The following ROR1 variants were observed in gnomAD, a reference collection of about 807,000 sequenced individuals.
ROR1 encodes the protein ROR family WNT receptor 1.
Under a neutral mutation model 78.8 loss-of-function variants are expected in ROR1, and 19 were observed. The ratio of observed to expected loss-of-function variants is 0.24; its 90% CI spans 0.17 to 0.35. ROR1 has a LOEUF of 0.35. ROR1 is among the 10% of genes least tolerant of loss of function. The probability of loss-of-function intolerance (pLI) is 1.00; values close to 1 mark genes in which losing one functional copy is unlikely to be tolerated. For synonymous variants in ROR1, 386 were observed against 433.6 expected, an observed-to-expected ratio of 0.89 and a Z score of 1.36; for missense variants, 917 against 1,177.8, an observed-to-expected ratio of 0.78 and a Z score of 3.24.
At chr1:64,041,713 T>C (rs1054405931) in intron 2 of ROR1, among the ~76,000 whole-genome samples, 2 of 152,208 alleles carry the variant, frequency 1.3e-5, no homozygotes, top group African/African-American at 4.8e-5. Context: ...CTCTTACTAC[T>C]CTGTAGTCAA....
chr1:63,916,111 C>G (rs1003433170), intron 1 of ROR1, among the ~76,000 whole-genome samples: 32 of 152,226 alleles, frequency 2.1e-4, no homozygotes, highest in Admixed American at 1.2e-3. Flanking sequence ...ACAAACATTT[C>G]TACCCTATTT....
At chr1:64,164,410 A>T (rs1038833510) in intron 8 of ROR1, among the ~76,000 whole-genome samples, 1 of 152,216 alleles carries the variant, frequency 6.6e-6, no homozygotes, top group African/African-American at 2.4e-5. Flanking sequence ...TCTGCTGTCA[A>T]CTGGCCACAA....
At chr1:64,127,831 A>G (rs1481170667) in intron 4 of ROR1, among the ~76,000 whole-genome samples, 1 of 152,182 alleles carries the variant, frequency 6.6e-6, no homozygotes, top group Non-Finnish European at 1.5e-5. Flanking sequence ...TGAGCTTCCA[A>G]TCTCATACAG....
intron 1 of ROR1, among the ~76,000 whole-genome samples, chr1:63,892,829 G>A (rs1334450639): frequency 6.6e-6 from 1 of 152,116 alleles, no homozygotes; most frequent in Non-Finnish European, 1.5e-5. Context: ...GATTTCTAGA[G>A]ACAGAACAGG....
At chr1:63,869,559 TCTTTGCA>T (rs1037727447) in intron 1 of ROR1, among the ~76,000 whole-genome samples, 1 of 152,194 alleles carries the variant, frequency 6.6e-6, no homozygotes, top group African/African-American at 2.4e-5. Flanking sequence ...TACTCTCTCC[TCTTTGCA>T]CTTTGCACTG....
intron 1 of ROR1, among the ~76,000 whole-genome samples, chr1:63,826,305 C>T (rs1254911521): frequency 2.0e-5 from 3 of 152,084 alleles, no homozygotes; most frequent in Non-Finnish European, 4.4e-5. Context: ...TATGTGTTCA[C>T]ATCATTTAGC....
intron 1 of ROR1, among the ~76,000 whole-genome samples, chr1:63,867,345 T>C (rs532792603): frequency 6.6e-6 from 1 of 152,312 alleles, no homozygotes; most frequent in East Asian, 1.9e-4. Context: ...TCTTTGACCT[T>C]TTCCTTAGCT....
At chr1:64,018,119 A>G (rs915434497) in intron 2 of ROR1, among the ~76,000 whole-genome samples, 1 of 152,140 alleles carries the variant, frequency 6.6e-6, no homozygotes, top group Non-Finnish European at 1.5e-5. Flanking sequence ...CCTATGGACT[A>G]GGGTCCTGCT....
At chr1:64,121,581 G>A (rs1051700756) in intron 4 of ROR1, among the ~76,000 whole-genome samples, 1 of 152,156 alleles carries the variant, frequency 6.6e-6, no homozygotes, top group Non-Finnish European at 1.5e-5. Context: ...ATGCACCCTG[G>A]CGGGGAAGAG....
At position 63,958,195 on chromosome 1, in the gene ROR1, G is replaced by C. The variant is rs1458343252; in HGVS notation, c.92-51110G>C. On this transcript the variant is annotated intron_variant, in intron 1 of 8. Coordinates refer to ENST00000371079, the MANE Select transcript of ROR1 (RefSeq NM_005012.4). ...TATTTATTATTATGCAAGTATGTCT[G>C]AAAAATACTTTATGCCCTCTGCCTA... is the stretch of plus-strand genomic sequence containing the variant. 2.6e-5 allele frequency among the ~76,000 whole-genome samples: 4 copies of C among 152,266 alleles called. No individual in the cohort carries two copies. The East Asian group carries it at 5.8e-4, about 22-fold the overall frequency.
chr1:63,830,991 A>G (rs1211230688), intron 1 of ROR1, among the ~76,000 whole-genome samples: 2 of 152,226 alleles, frequency 1.3e-5, no homozygotes, highest in Non-Finnish European at 2.9e-5. Context: ...ATTAAATCTT[A>G]AAGCTCCAAA....
chr1:63,818,608 TC>T (rs992458012), intron 1 of ROR1, among the ~76,000 whole-genome samples: 5 of 152,338 alleles, frequency 3.3e-5, no homozygotes, highest in Admixed American at 2.0e-4. Context: ...CTTAGAACAA[TC>T]TTTTTTTTAG....
At chr1:63,998,239 A>G (rs921612616) in intron 1 of ROR1, among the ~76,000 whole-genome samples, 1 of 152,182 alleles carries the variant, frequency 6.6e-6, no homozygotes, top group South Asian at 2.1e-4. Flanking sequence ...CCAAAGGAAC[A>G]TAAAATTAAG....
intron 1 of ROR1, among the ~76,000 whole-genome samples, chr1:64,007,461 C>T (rs74078192): frequency 0.03 from 4,521 of 150,882 alleles, 251 homozygotes; most frequent in African/African-American, 0.11. Context: ...ATATTAGTAG[C>T]GTGGATTAAA....
At chr1:64,062,738 G>C (rs776634828) in intron 4 of ROR1, among the ~76,000 whole-genome samples, 1 of 152,148 alleles carries the variant, frequency 6.6e-6, no homozygotes. Flanking sequence ...GATTCATCAC[G>C]TCTTGTACAC....
At chr1:63,837,287 T>G (rs1645023489) in intron 1 of ROR1, among the ~76,000 whole-genome samples, 1 of 152,218 alleles carries the variant, frequency 6.6e-6, no homozygotes, top group African/African-American at 2.4e-5. Context: ...TGCATACTAT[T>G]ATTCTTTTTC....
At chr1:63,842,262 A>G (rs1036101366) in intron 1 of ROR1, among the ~76,000 whole-genome samples, 7 of 151,220 alleles carry the variant, frequency 4.6e-5, no homozygotes, top group Non-Finnish European at 1.0e-4. Flanking sequence ...CTTGCCTGCC[A>G]CAGTTCCATA....
At chr1:64,086,652 G>T (rs1045701981) in intron 4 of ROR1, among the ~76,000 whole-genome samples, 2 of 152,182 alleles carry the variant, frequency 1.3e-5, no homozygotes, top group African/African-American at 4.8e-5. Context: ...TAGATGATGA[G>T]CCTGGTGAAG....
At chr1:64,041,827 A>G (rs1646748321) in intron 2 of ROR1, among the ~76,000 whole-genome samples, 1 of 152,128 alleles carries the variant, frequency 6.6e-6, no homozygotes, top group Non-Finnish European at 1.5e-5. Context: ...ACTTTTAACC[A>G]TCATATCCCC....
Sources: allele counts gnomAD v4.1 joint callset (sites outside exome capture counted in the v4.1 genomes callset), GRCh38; gene constraint gnomAD v4.1.1; transcripts MANE v1.5; gene names NCBI Gene and HGNC (gene_info 2026-07-23, HGNC 2026-07-21).